The following FHIT variants were observed in gnomAD, a reference collection of about 807,000 sequenced individuals.
FHIT encodes the protein fragile histidine triad diadenosine triphosphatase.
Under a neutral mutation model 17.9 loss-of-function variants are expected in FHIT, and 19 were observed. The ratio of observed to expected loss-of-function variants is 1.06; its 90% confidence interval spans 0.74 to 1.56. The LOEUF (loss-of-function observed/expected upper bound fraction) is 1.56, where lower values mean the gene tolerates loss of function less well. Ranked by LOEUF, FHIT falls within the 40% of genes most tolerant of loss-of-function variation. FHIT has a pLI of 0.00. For synonymous variants in FHIT, 81 were observed against 69.7 expected, an observed-to-expected ratio of 1.16 and a Z score of -0.81; for missense variants, 248 against 189.2, an observed-to-expected ratio of 1.31 and a Z score of -1.82.
At chr3:59,863,990 A>G (rs1199687066) in intron 8 of FHIT, among the ~76,000 whole-genome samples, 1 of 152,176 alleles carries the variant, frequency 6.6e-6, no homozygotes, top group Non-Finnish European at 1.5e-5. Flanking sequence ...AGGAAAACAG[A>G]TATGATCCCA....
intron 2 of FHIT, among the ~76,000 whole-genome samples, chr3:61,076,468 A>G (rs1436347456): frequency 6.6e-6 from 1 of 152,190 alleles, no homozygotes; most frequent in Non-Finnish European, 1.5e-5. Context: ...TTTAGGACCA[A>G]GATGGTGAAT....
intron 5 of FHIT, among the ~76,000 whole-genome samples, chr3:60,110,854 C>T (rs1015949637): frequency 1.3e-5 from 2 of 152,134 alleles, no homozygotes; most frequent in Non-Finnish European, 2.9e-5. Flanking sequence ...TTTAATTTTT[C>T]ATGTTTCAAT....
intron 4 of FHIT, among the ~76,000 whole-genome samples, chr3:60,599,443 T>A (rs1424729212): frequency 6.6e-6 from 1 of 152,152 alleles, no homozygotes. Flanking sequence ...GATAAGATAC[T>A]TTGAGTACGG....
intron 5 of FHIT, among the ~76,000 whole-genome samples, chr3:60,352,894 C>T (rs977611973): frequency 3.3e-5 from 5 of 152,036 alleles, no homozygotes; most frequent in African/African-American, 1.2e-4. Flanking sequence ...CTAGGAGCTC[C>T]CTCTGGTCAG....
chr3:60,782,233 G>GTA (rs775581148), intron 4 of FHIT, among the ~76,000 whole-genome samples: 6 of 133,138 alleles, frequency 4.5e-5, no homozygotes, highest in African/African-American at 1.2e-4. Flanking sequence ...GTGTGTGTGT[G>GTA]TGTGTATATA....
chr3:60,080,733 A>G (rs1199265687), intron 5 of FHIT: 1 of 152,182 alleles, frequency 6.6e-6, no homozygotes, highest in Non-Finnish European at 1.5e-5. Context: ...TTTACAAAGA[A>G]GGGAGTGCAA....
intron 5 of FHIT, among the ~76,000 whole-genome samples, chr3:60,126,640 A>G (rs1705564532): frequency 6.6e-6 from 1 of 152,220 alleles, no homozygotes; most frequent in African/African-American, 2.4e-5. Context: ...AATTTGATTC[A>G]CAACAGAACT....
At chr3:60,479,929 C>T (rs547944201) in intron 5 of FHIT, among the ~76,000 whole-genome samples, 6 of 152,202 alleles carry the variant, frequency 3.9e-5, no homozygotes, top group Middle Eastern at 3.4e-3. Flanking sequence ...GGGCTACTGA[C>T]GTAAAGTACA....
Position 60,235,568 on chromosome 3 carries a change from T to C in FHIT, c.104-221416A>G, listed in dbSNP as rs966949743. 5.9e-5 allele frequency among the ~76,000 whole-genome samples: 9 copies of C among 152,274 alleles called. No individual in the cohort carries two copies. The South Asian group carries it at 1.7e-3, about 28-fold the overall frequency. ...AAGTATTGTTTTCCTTCTCAGACGT[T>C]TGAGAAACTCAAGAAGGAAACATTG... is the stretch of plus-strand genomic sequence containing the variant. On this transcript the variant is annotated intron_variant, in intron 5 of 9. Coordinates refer to ENST00000492590, the MANE Select transcript of FHIT (RefSeq NM_002012.4).
intron 1 of FHIT, among the ~76,000 whole-genome samples, chr3:61,216,758 T>C (rs1419585758): frequency 6.6e-6 from 1 of 152,096 alleles, no homozygotes; most frequent in Non-Finnish European, 1.5e-5. Flanking sequence ...TGTCCAACAA[T>C]GACAGACTGG....
chr3:60,072,703 C>T (rs1259806748), intron 5 of FHIT, among the ~76,000 whole-genome samples: 5 of 152,204 alleles, frequency 3.3e-5, no homozygotes, highest in Non-Finnish European at 7.3e-5. Context: ...CAGTGTGGAT[C>T]CCAAGCCTGT....
intron 7 of FHIT, among the ~76,000 whole-genome samples, chr3:59,939,663 C>A (rs1191417175): frequency 6.6e-6 from 1 of 152,142 alleles, no homozygotes; most frequent in Admixed American, 6.6e-5. Flanking sequence ...CACTGCTGAG[C>A]CCTGGCTACA....
intron 5 of FHIT, among the ~76,000 whole-genome samples, chr3:60,152,924 T>C (rs116232788): frequency 1.1e-3 from 170 of 152,260 alleles, no homozygotes; most frequent in African/African-American, 3.8e-3. Flanking sequence ...GCTCATTTTG[T>C]AGCTACAAAA....
intron 7 of FHIT, among the ~76,000 whole-genome samples, chr3:59,980,954 A>G (rs1397118710): frequency 2.0e-5 from 3 of 152,294 alleles, no homozygotes; most frequent in South Asian, 2.1e-4. Flanking sequence ...AATTCTGCCA[A>G]TGTGAAAATA....
At chr3:60,060,427 T>C (rs1444277921) in intron 5 of FHIT, among the ~76,000 whole-genome samples, 1 of 151,540 alleles carries the variant, frequency 6.6e-6, no homozygotes, top group African/African-American at 2.5e-5. Context: ...AACAAAGTTC[T>C]TTATTTCTAA....
intron 5 of FHIT, among the ~76,000 whole-genome samples, chr3:60,020,235 T>C (rs755587328): frequency 2.0e-5 from 3 of 152,176 alleles, no homozygotes; most frequent in African/African-American, 7.2e-5. Context: ...TCATCAAGGA[T>C]AATAATTGAT....
chr3:60,249,147 T>A (rs1559760467), intron 5 of FHIT, among the ~76,000 whole-genome samples: 1 of 152,142 alleles, frequency 6.6e-6, no homozygotes, highest in Non-Finnish European at 1.5e-5. Context: ...TCAGTTTAAT[T>A]CTCAGGCCCA....
intron 8 of FHIT, among the ~76,000 whole-genome samples, chr3:59,825,341 T>A (rs566733444): frequency 1.4e-4 from 21 of 152,340 alleles, no homozygotes; most frequent in African/African-American, 4.6e-4. Flanking sequence ...GCAGAACCAC[T>A]TCCTATGAGC....
chr3:61,069,068 T>C (rs1381825138), intron 2 of FHIT, among the ~76,000 whole-genome samples: 1 of 152,196 alleles, frequency 6.6e-6, no homozygotes, highest in East Asian at 1.9e-4. Flanking sequence ...AGAATTCTAC[T>C]AGAATTCAAC....
Sources: allele counts gnomAD v4.1 joint callset (sites outside exome capture counted in the v4.1 genomes callset), GRCh38; gene constraint gnomAD v4.1.1; transcripts MANE v1.5; gene names NCBI Gene and HGNC (gene_info 2026-07-23, HGNC 2026-07-21).